MAP4K4: variants seen among roughly 807,000 people sequenced by gnomAD.
MAP4K4 encodes the protein mitogen-activated protein kinase kinase kinase kinase 4, also known as HPK/GCK-like kinase HGK.
MAP4K4 carries 38 observed loss-of-function variants against 189.6 expected under a neutral mutation model. The ratio of observed to expected loss-of-function variants is 0.20; its 90% CI spans 0.15 to 0.26. The LOEUF (loss-of-function observed/expected upper bound fraction) is 0.26. Among genes scored for constraint, MAP4K4 ranks in the 10% least tolerant of loss-of-function variants. The pLI is 1.00. For synonymous variants in MAP4K4, 610 were observed against 624.3 expected (o/e 0.98, Z 0.34); for missense variants, 1,054 against 1,726.9 (o/e 0.61, Z 6.91).
chr2:101,829,632 C>T (rs1559104310), intron 6 of MAP4K4, 38 bp downstream of exon 6: 1 of 1,438,208 alleles, frequency 7.0e-7, no homozygotes, highest in Non-Finnish European at 9.7e-7. Context: ...CATAATTGCA[C>T]CTGGCACAAG....
intron 2 of MAP4K4, among the ~76,000 whole-genome samples, chr2:101,715,724 A>G (rs1409987970): frequency 6.6e-6 from 1 of 152,208 alleles, no homozygotes; most frequent in Middle Eastern, 3.2e-3. Context: ...TAAAAAATAC[A>G]TAGGGTCTTC....
exon 12 of MAP4K4, chr2:101,844,224 G>T: frequency 6.3e-7 from 1 of 1,596,924 alleles, no homozygotes; most frequent in South Asian, 1.1e-5. Context: ...AACAGCTCCG[G>T]GAGCAGGAAG....
intron 2 of MAP4K4, among the ~76,000 whole-genome samples, chr2:101,785,675 T>TTTCTTTTCCTTTTTTGAGTTGGAGTCTTG (rs1558912798): frequency 2.0e-5 from 1 of 49,562 alleles, no homozygotes; most frequent in Admixed American, 2.0e-4. Context: ...TCTTTCTTTC[T>TTTCTTTTCCTTTTTTGAGTTGGAGTCTTG]CCCTCTCTCT....
chr2:101,834,261 C>G (rs1175322561), intron 7 of MAP4K4, 148 bp from the exon 8 acceptor site: 2 of 542,702 alleles, frequency 3.7e-6, no homozygotes, highest in Admixed American at 4.6e-5. Context: ...CCCTCCGCTC[C>G]GTAAGTTCTA....
chr2:101,784,486 C>T (rs2089631076), intron 2 of MAP4K4, among the ~76,000 whole-genome samples: 2 of 152,074 alleles, frequency 1.3e-5, no homozygotes, highest in Admixed American at 1.3e-4. Context: ...TAATTAATCT[C>T]TGAAATTTTT....
chr2:101,725,387 C>CAAAAAAAAAAAAAAAAAAA (rs547130880), intron 2 of MAP4K4, among the ~76,000 whole-genome samples: 2 of 110,830 alleles, frequency 1.8e-5, no homozygotes, highest in Non-Finnish European at 3.8e-5. Flanking sequence ...AAAAGATAAG[C>CAAAAAAAAAAAAAAAAAAA]AAAAAAAAAA....
intron 2 of MAP4K4, among the ~76,000 whole-genome samples, chr2:101,784,675 A>G (rs796642897): frequency 2.6e-4 from 39 of 152,296 alleles, no homozygotes; most frequent in African/African-American, 9.4e-4. Flanking sequence ...TCTTTATTCA[A>G]GAAGAAAAAG....
chr2:101,716,580 G>A (rs1459822617), intron 2 of MAP4K4, among the ~76,000 whole-genome samples: 2 of 152,108 alleles, frequency 1.3e-5, no homozygotes, highest in Non-Finnish European at 2.9e-5. Context: ...TCAGATGGTG[G>A]TACTATATCA....
At chr2:101,717,955 A>T (rs1245344178) in intron 2 of MAP4K4, among the ~76,000 whole-genome samples, 1 of 144,586 alleles carries the variant, frequency 6.9e-6, no homozygotes, top group Non-Finnish European at 1.5e-5. Context: ...GTGTGTTATT[A>T]AAAAAAAAAA....
At chr2:101,698,184 C>T (rs2035476804) in intron 1 of MAP4K4, 47 bp downstream of exon 1, 12 of 942,746 alleles carry the variant, frequency 1.3e-5, no homozygotes, top group African/African-American at 1.8e-5. Flanking sequence ...CAGCCGGCAG[C>T]CGGCAGCCGG....
chr2:101,857,627 G>C (rs2097517635), intron 13 of MAP4K4, among the ~76,000 whole-genome samples: 1 of 152,100 alleles, frequency 6.6e-6, no homozygotes, highest in African/African-American at 2.4e-5. Context: ...TACCATGGAG[G>C]GTCAGACATA....
intron 2 of MAP4K4, among the ~76,000 whole-genome samples, chr2:101,755,298 A>G (rs1007898957): frequency 1.3e-5 from 2 of 151,258 alleles, no homozygotes; most frequent in Non-Finnish European, 2.9e-5. Flanking sequence ...TTTGTCTGTT[A>G]TGCAGAGTCC....
chr2:101,776,362 G>T (rs1284205938), intron 2 of MAP4K4, among the ~76,000 whole-genome samples: 1 of 152,110 alleles, frequency 6.6e-6, no homozygotes, highest in Non-Finnish European at 1.5e-5. Context: ...CATTCTGAGC[G>T]ATAAGGCCTG....
exon 33 of MAP4K4, chr2:101,893,160 GA>G (rs2098593831): frequency 4.4e-6 from 2 of 455,698 alleles, no homozygotes; most frequent in Non-Finnish European, 4.4e-6. Flanking sequence ...CCATCTTTTT[GA>G]AAAAGGCCCT....
chr2:101,832,427 G>A (rs914605226), intron 7 of MAP4K4, among the ~76,000 whole-genome samples: 12 of 152,162 alleles, frequency 7.9e-5, no homozygotes, highest in Non-Finnish European at 1.5e-4. Flanking sequence ...AGCCAGACTA[G>A]TTAATATACC....
Position 101,891,083 on chromosome 2 carries a change from G to C in MAP4K4, c.4072-83G>C. The C allele has an allele frequency of 8.5e-6, 9 of 1,053,612 alleles. No individual in the cohort carries two copies. In the South Asian group the frequency reaches 1.2e-4, roughly 14 times the overall value. 65.3% of individuals were successfully genotyped at this position (1,053,612 alleles called of 1,614,324 possible). On this transcript the variant is annotated intron_variant, in intron 32 of 32. Transcript: ENST00000324219. ...TAAGCTTCTCGTACTTGACAGTGTT[G>C]AGGATGATGGTGGCTTAGATTCCCT...
intron 2 of MAP4K4, among the ~76,000 whole-genome samples, chr2:101,724,862 A>T (rs536014962): frequency 6.6e-6 from 1 of 152,328 alleles, no homozygotes; most frequent in South Asian, 2.1e-4. Flanking sequence ...TTAATCCATG[A>T]TGTACCTAAA....
chr2:101,891,432 C>T (rs1248741134), exon 33 of MAP4K4: 3 of 456,438 alleles, frequency 6.6e-6, no homozygotes, highest in Non-Finnish European at 1.2e-5. Flanking sequence ...TATCCCCATT[C>T]TTTTTTTTTT....
At chr2:101,865,597 A>G (rs1325216407) in intron 18 of MAP4K4, among the ~76,000 whole-genome samples, 1 of 152,138 alleles carries the variant, frequency 6.6e-6, no homozygotes, top group Non-Finnish European at 1.5e-5. Flanking sequence ...CACTGGGTAT[A>G]TTCATGAGCT....
Sources: gnomAD v4.1 joint callset for allele counts (sites outside exome capture counted in the v4.1 genomes callset) on GRCh38, gnomAD v4.1.1 for gene constraint, MANE v1.5 for transcripts, NCBI Gene and HGNC (gene_info 2026-07-23, HGNC 2026-07-21) for gene names.